SEMA3A: variants seen among roughly 807,000 people sequenced by gnomAD.
The protein encoded by SEMA3A is semaphorin 3A.
Under a neutral mutation model 97.9 loss-of-function variants are expected in SEMA3A, and 29 were observed. That is an observed-to-expected ratio of 0.30 (90% CI 0.22 to 0.40). The LOEUF (loss-of-function observed/expected upper bound fraction) is 0.40. Ranked by LOEUF, SEMA3A falls within the 10% of genes least tolerant of loss-of-function variation. SEMA3A has a pLI of 1.00. For missense variants in SEMA3A, 763 were observed against 951.3 expected (o/e 0.80, Z 2.60); for synonymous variants, 321 against 323.7 (o/e 0.99, Z 0.09).
chr7:84,411,873 G>A (rs1287718822), intron 1 of SEMA3A, among the ~76,000 whole-genome samples: 2 of 152,014 alleles, frequency 1.3e-5, no homozygotes, highest in Non-Finnish European at 2.9e-5. Flanking sequence ...TTGTAAAATT[G>A]AATCCTGGTA....
chr7:84,051,719 T>G (rs200846870), intron 5 of SEMA3A, among the ~76,000 whole-genome samples: 50,984 of 151,592 alleles, frequency 0.34, 10,096 homozygotes, highest in Non-Finnish European at 0.45. Context: ...TCCTGCCTAA[T>G]TGCCCTGGCC....
chr7:84,284,773 C>T (rs1172801696), intron 3 of SEMA3A, among the ~76,000 whole-genome samples: 1 of 152,066 alleles, frequency 6.6e-6, no homozygotes, highest in Non-Finnish European at 1.5e-5. Flanking sequence ...AATCTCTTCC[C>T]CATTTTCTAG....
intron 1 of SEMA3A, among the ~76,000 whole-genome samples, chr7:84,377,656 G>A (rs1803138698): frequency 6.6e-6 from 1 of 152,160 alleles, no homozygotes; most frequent in African/African-American, 2.4e-5. Context: ...TAACTTGCCT[G>A]AGGTTGTACA....
intron 3 of SEMA3A, among the ~76,000 whole-genome samples, chr7:84,241,518 T>C (rs771329759): frequency 4.6e-5 from 7 of 152,214 alleles, no homozygotes; most frequent in South Asian, 2.1e-4. Context: ...CTTTGTCAGA[T>C]GGATAGATCG....
intron 3 of SEMA3A, among the ~76,000 whole-genome samples, chr7:84,120,551 C>CAT (rs1016105685): frequency 6.6e-6 from 1 of 152,126 alleles, no homozygotes; most frequent in Non-Finnish European, 1.5e-5. Context: ...CAGATACAGA[C>CAT]ATACACAGGT....
Position 84,179,963 on chromosome 7 carries a change from CT to C in SEMA3A, c.112+14511del, listed in dbSNP as rs1215492615. On this transcript the variant is annotated intron_variant, in intron 1 of 16. Transcript: ENST00000265362. ...GTCAATGCATCTCTGCTTGACTGTTCTTTTTTTTTTTTTTTTTGAGACTGAA... is the reference window on the plus strand; with the variant it reads ...GTCAATGCATCTCTGCTTGACTGTTCTTTTTTTTTTTTTTTTGAGACTGAA... Among the ~76,000 whole-genome samples the C allele has an allele frequency of 9.7e-3, 1,058 of 109,380 alleles. 7 individuals are homozygous for C. Among genetic ancestry groups the C allele is most frequent in the South Asian group, 0.03 (95 of 3,214 alleles). The allele number at this position is 109,380 out of a possible 152,430, so 71.8% of individuals were successfully genotyped here. A position where few individuals can be genotyped will look rare whatever the true frequency, so the allele number is the denominator to read the frequency against.
At chr7:84,425,252 T>C (rs1489627574) in intron 1 of SEMA3A, among the ~76,000 whole-genome samples, 1 of 121,060 alleles carries the variant, frequency 8.3e-6, no homozygotes, top group Non-Finnish European at 1.6e-5. Context: ...AATATAAATA[T>C]ATAATATAAT....
In SEMA3A at chr7:84,434,374, A is replaced by T. The variant is rs1922347; in HGVS notation, c.-246+58086T>A. On this transcript the variant is annotated intron_variant, in intron 1 of 3. Transcript: ENST00000424555. ...TCCAAAATTGAATCAGTAGTAAAAA[A>T]TCTACCGACCAAAAAAAGCCCTGGA... Among the ~76,000 whole-genome samples, 2,044 of 152,216 alleles carry T rather than the reference A, an allele frequency of 0.013. 90 individuals carry two copies. The East Asian group carries it at 0.16, about 12-fold the overall frequency.
chr7:84,449,333 G>C (rs1179089213), intron 1 of SEMA3A, among the ~76,000 whole-genome samples: 1 of 152,024 alleles, frequency 6.6e-6, no homozygotes, highest in African/African-American at 2.4e-5. Context: ...TAAAAAAGAA[G>C]AGAAAATTAC....
intron 2 of SEMA3A, among the ~76,000 whole-genome samples, chr7:84,347,396 A>G (rs907228535): frequency 6.6e-6 from 1 of 150,754 alleles, no homozygotes; most frequent in African/African-American, 2.4e-5. Flanking sequence ...TGCAACAAGA[A>G]TGATTCTTCA....
chr7:84,276,383 T>A (rs895793454), intron 3 of SEMA3A, among the ~76,000 whole-genome samples: 1 of 152,090 alleles, frequency 6.6e-6, no homozygotes, highest in Non-Finnish European at 1.5e-5. Context: ...GTTTTGTCTG[T>A]TTCATAAAAA....
chr7:84,375,587 T>G (rs186886178), intron 1 of SEMA3A, among the ~76,000 whole-genome samples: 9 of 152,294 alleles, frequency 5.9e-5, no homozygotes, highest in Admixed American at 2.0e-4. Flanking sequence ...TACTTATTTT[T>G]GGGGTACTGT....
intron 3 of SEMA3A, among the ~76,000 whole-genome samples, chr7:84,225,272 A>G (rs139126430): frequency 1.1e-3 from 161 of 152,252 alleles, no homozygotes; most frequent in Middle Eastern, 3.4e-3. Flanking sequence ...CATGAACAGC[A>G]TGTAATTCAA....
chr7:84,295,477 G>A (rs912934698), intron 3 of SEMA3A, among the ~76,000 whole-genome samples: 60 of 152,024 alleles, frequency 3.9e-4, no homozygotes, highest in African/African-American at 1.1e-3. Context: ...GTTTGCAGTC[G>A]GAAAACTGTC....
intron 1 of SEMA3A, among the ~76,000 whole-genome samples, chr7:84,143,806 AAAAAG>A (rs1346999745): frequency 6.6e-6 from 1 of 151,988 alleles, no homozygotes; most frequent in Non-Finnish European, 1.5e-5. Context: ...TGTCAAAAAA[AAAAAG>A]AAAAGAAAAA....
At chr7:83,985,234 G>A (rs1276248852) in intron 13 of SEMA3A, among the ~76,000 whole-genome samples, 4 of 152,034 alleles carry the variant, frequency 2.6e-5, no homozygotes, top group African/African-American at 9.7e-5. Flanking sequence ...GAACACAGAT[G>A]AGATTGATCA....
intron 5 of SEMA3A, among the ~76,000 whole-genome samples, chr7:84,051,434 T>G (rs1169428743): frequency 1.3e-5 from 2 of 152,232 alleles, no homozygotes; most frequent in African/African-American, 4.8e-5. Flanking sequence ...ACATCCCTTG[T>G]AAGTTGGATT....
intron 2 of SEMA3A, among the ~76,000 whole-genome samples, chr7:84,347,141 A>C (rs1243847494): frequency 6.6e-6 from 1 of 152,182 alleles, no homozygotes; most frequent in African/African-American, 2.4e-5. Flanking sequence ...TTTCCCATAA[A>C]AGTAAACACA....
chr7:84,180,241 C>T (rs772044783), intron 1 of SEMA3A, among the ~76,000 whole-genome samples: 44 of 151,836 alleles, frequency 2.9e-4, no homozygotes, highest in Non-Finnish European at 5.6e-4. Context: ...CCACCGTGCC[C>T]GGCCTGCTTA....
Sources: allele counts gnomAD v4.1 joint callset (sites outside exome capture counted in the v4.1 genomes callset), GRCh38; gene constraint gnomAD v4.1.1; transcripts MANE v1.5; gene names NCBI Gene and HGNC (gene_info 2026-07-23, HGNC 2026-07-21).